The following STRN variants were observed in gnomAD, a reference collection of about 807,000 sequenced individuals.
STRN encodes the protein protein phosphatase 2 regulatory subunit B'''alpha.
Under a neutral mutation model 96.3 loss-of-function variants are expected in STRN, and 53 were observed. That is an observed-to-expected ratio of 0.55 (90% confidence interval 0.44 to 0.69). The LOEUF is 0.69. Ranked by LOEUF, STRN falls within the 30% of genes least tolerant of loss-of-function variation. The probability of loss-of-function intolerance (pLI) is 0.00; values close to 1 mark genes in which losing one functional copy is unlikely to be tolerated. For missense variants in STRN, 987 were observed against 963.9 expected (o/e 1.02, Z -0.32); for synonymous variants, 428 against 355.9 (o/e 1.20, Z -2.28).
chr2:36,878,046 G>C lies in STRN; in HGVS notation c.1187-19C>G, dbSNP rs879145719. The stretch of plus-strand genomic sequence containing the variant: ...GCTTCCACTGAAGAGGGAAGACAAA[G>C]GAAACATTAAAAAATCTCTAAGGAG... On this transcript the variant is annotated intron_variant, in intron 9 of 17. Coordinates refer to ENST00000263918, the MANE Select transcript of STRN (RefSeq NM_003162.4). 7 of 1,610,294 alleles carry C rather than the reference G, an allele frequency of 4.3e-6. No individual in the cohort carries two copies. The highest frequency in any genetic ancestry group is 5.1e-6 in the Non-Finnish European group (6 of 1,179,168).
At chr2:36,964,895 G>T (rs1485051407) in intron 1 of STRN, among the ~76,000 whole-genome samples, 1 of 152,178 alleles carries the variant, frequency 6.6e-6, no homozygotes, top group Admixed American at 6.5e-5. Flanking sequence ...TAGACACACA[G>T]CTGGCACTCA....
At chr2:36,887,193 C>T (rs2148179205) in intron 7 of STRN, among the ~76,000 whole-genome samples, 1 of 151,608 alleles carries the variant, frequency 6.6e-6, no homozygotes, top group South Asian at 2.1e-4. Flanking sequence ...CTTTAGGAGG[C>T]TGAGGCGGGT....
At chr2:36,891,654 T>C (rs1572652542) in intron 7 of STRN, among the ~76,000 whole-genome samples, 2 of 152,334 alleles carry the variant, frequency 1.3e-5, no homozygotes, top group East Asian at 3.9e-4. Context: ...CTTGTGCCAC[T>C]GGGATTGTTC....
At chr2:36,875,757 C>A (rs1251181315) in intron 10 of STRN, among the ~76,000 whole-genome samples, 2 of 150,876 alleles carry the variant, frequency 1.3e-5, no homozygotes, top group Non-Finnish European at 1.5e-5. Flanking sequence ...CCCGGGTTCA[C>A]GCCATTCTCC....
At chr2:36,889,011 C>G (rs923394869) in intron 7 of STRN, among the ~76,000 whole-genome samples, 42 of 152,196 alleles carry the variant, frequency 2.8e-4, no homozygotes, top group African/African-American at 9.9e-4. Context: ...TTGTAACCTG[C>G]CTTCTCTACC....
chr2:36,930,382 A>C (rs948685061), intron 1 of STRN, among the ~76,000 whole-genome samples: 1 of 152,000 alleles, frequency 6.6e-6, no homozygotes, highest in African/African-American at 2.4e-5. Flanking sequence ...CAGTGAGCCA[A>C]GATCATGCCA....
At chr2:36,948,784 A>G (rs1664678968) in intron 1 of STRN, among the ~76,000 whole-genome samples, 1 of 152,204 alleles carries the variant, frequency 6.6e-6, no homozygotes, top group Non-Finnish European at 1.5e-5. Flanking sequence ...AAGAAACATC[A>G]ATGAAAGCTG....
Position 36,845,579 on chromosome 2 carries a change from G to C in STRN, c.*3877C>G, listed in dbSNP as rs1247050716. 2.6e-5 allele frequency: 4 copies of C among 151,980 alleles called. No homozygotes were observed. The highest frequency in any genetic ancestry group is 5.9e-5 in the Non-Finnish European group (4 of 67,972). 9.4% of individuals were successfully genotyped at this position (151,980 alleles called of 1,614,324 possible). ...TCATGACATGCTGTTTTGTAAGAGG[G>C]AAATATATGAAGTATTAAAAAGTGA... On this transcript the variant is annotated 3_prime_UTR_variant, in exon 18 of 18. Transcript: ENST00000263918.
chr2:36,958,761 A>G (rs1404105386), intron 1 of STRN, among the ~76,000 whole-genome samples: 16 of 152,220 alleles, frequency 1.1e-4, no homozygotes, highest in Admixed American at 9.8e-4. Context: ...CAACTGAGAA[A>G]TCTGCAGAAC....
At chr2:36,945,403 C>T (rs1046322220) in intron 1 of STRN, among the ~76,000 whole-genome samples, 4 of 152,170 alleles carry the variant, frequency 2.6e-5, no homozygotes, top group South Asian at 4.1e-4. Flanking sequence ...CATGGTGGCT[C>T]GCGCCTGTAA....
chr2:36,887,440 C>G (rs1374860769), intron 7 of STRN, among the ~76,000 whole-genome samples: 5 of 151,406 alleles, frequency 3.3e-5, no homozygotes, highest in Non-Finnish European at 5.9e-5. Flanking sequence ...ATTGCACTCC[C>G]GCCTGGGCAA....
At chr2:36,901,070 A>T (rs1461194481) in intron 5 of STRN, among the ~76,000 whole-genome samples, 1 of 151,832 alleles carries the variant, frequency 6.6e-6, no homozygotes, top group Non-Finnish European at 1.5e-5. Context: ...TTTAAATTTC[A>T]AATCTACTTA....
At chr2:36,928,457 G>C (rs1670476114) in intron 1 of STRN, among the ~76,000 whole-genome samples, 1 of 151,388 alleles carries the variant, frequency 6.6e-6, no homozygotes, top group African/African-American at 2.4e-5. Context: ...TTCGAGACCA[G>C]CCTGGCCAAC....
In STRN at chr2:36,893,950, T is replaced by G. The variant is rs760213907; in HGVS notation, c.879A>C (p.Thr293=). Residue 293 remains threonine, a synonymous_variant, in exon 7 of 18, where the codon ACA becomes ACC. Transcript: ENST00000263918. ...TAGATTCATTGTCTCCTTCCTCTGA[T>G]GTAACCAAGAAGTCAAACTCCTTTA... The part of the protein sequence containing the change: ...EALKEFDFLV[T]SEEGDNESRS... The G allele has an allele frequency of 6.2e-7, 1 of 1,613,744 alleles. No homozygotes were observed. The highest frequency in any genetic ancestry group is 8.5e-7 in the Non-Finnish European group (1 of 1,179,870).
chr2:36,966,143 G>T, intron 1 of STRN, 87 bp downstream of exon 1: 2 of 1,350,376 alleles, frequency 1.5e-6, no homozygotes, highest in Non-Finnish European at 1.9e-6. Context: ...GACGCGAGAA[G>T]GCTGGGGGAG....
At chr2:36,875,505 C>CAAAAA (rs70946953) in intron 10 of STRN, among the ~76,000 whole-genome samples, 4 of 50,960 alleles carry the variant, frequency 7.8e-5, no homozygotes, top group East Asian at 1.4e-3. Flanking sequence ...GACTCTGCCT[C>CAAAAA]AAAAAAAAAA....
At chr2:36,856,778 G>C (rs1446938133) in intron 14 of STRN, among the ~76,000 whole-genome samples, 1 of 152,168 alleles carries the variant, frequency 6.6e-6, no homozygotes, top group African/African-American at 2.4e-5. Flanking sequence ...GGCCTGGCGG[G>C]AGGTGATTGG....
intron 1 of STRN, 48 bp from the exon 2 acceptor site, chr2:36,925,256 A>C: frequency 7.2e-7 from 1 of 1,397,662 alleles, no homozygotes; most frequent in African/African-American, 1.4e-5. Flanking sequence ...CAAAAAAAAA[A>C]GTTTTTTTAA....
intron 3 of STRN, 138 bp from the exon 4 acceptor site, chr2:36,905,756 T>C (rs536134812): frequency 1.7e-5 from 11 of 654,592 alleles, no homozygotes; most frequent in Middle Eastern, 4.3e-4. Context: ...GTTAGGATAA[T>C]GTAAGTTCTG....
Sources: gnomAD v4.1 joint callset for allele counts (sites outside exome capture counted in the v4.1 genomes callset) on GRCh38, gnomAD v4.1.1 for gene constraint, MANE v1.5 for transcripts, NCBI Gene and HGNC (gene_info 2026-07-23, HGNC 2026-07-21) for gene names.